The following RSBN1L variants were observed in gnomAD, a reference collection of about 807,000 sequenced individuals.
RSBN1L encodes lysine-specific demethylase RSBN1L.
Under a neutral mutation model 67.7 loss-of-function variants are expected in RSBN1L, and 30 were observed. The observed-to-expected ratio is 0.44, with a 90% CI of 0.33 to 0.60. The LOEUF (loss-of-function observed/expected upper bound fraction) is 0.60, where lower values mean the gene tolerates loss of function less well. Among genes scored for constraint, RSBN1L ranks in the 20% least tolerant of loss-of-function variants. The pLI, the probability that RSBN1L is intolerant of heterozygous loss-of-function variation, is 0.02. For synonymous variants in RSBN1L, 433 were observed against 387.0 expected (o/e 1.12, Z -1.39); for missense variants, 992 against 1,031.7 (o/e 0.96, Z 0.53).
chr7:77,770,981 C>T lies in RSBN1L; in HGVS notation c.1626-2166C>T, dbSNP rs534340851. On this transcript the variant is annotated intron_variant, in intron 5 of 7. Coordinates refer to ENST00000334955, the MANE Select transcript of RSBN1L (RefSeq NM_198467.3). ...TTTTTGAGACTGAGTCTTGCTCTGT[C>T]GCCAGGCTGGAGTGCAGTGGTGCAA... Among the ~76,000 whole-genome samples, 14 of 152,180 alleles carry T rather than the reference C, an allele frequency of 9.2e-5. No homozygotes were observed. The East Asian group carries it at 2.1e-3, about 23-fold the overall frequency.
At chr7:77,707,912 A>G (rs1340257481) in intron 1 of RSBN1L, among the ~76,000 whole-genome samples, 2 of 152,226 alleles carry the variant, frequency 1.3e-5, no homozygotes, top group African/African-American at 4.8e-5. Flanking sequence ...GTGGTTTTAT[A>G]TAATTTTCAC....
chr7:77,703,779 C>T (rs10953304), intron 1 of RSBN1L, among the ~76,000 whole-genome samples: 66,839 of 151,700 alleles, frequency 0.44, 15,362 homozygotes, highest in African/African-American at 0.57. Flanking sequence ...TGAGCCACCG[C>T]GCTCGGCCTA....
chr7:77,781,204 T>C lies in RSBN1L; in HGVS notation c.*2036T>C, dbSNP rs1281167182. The C allele has an allele frequency of 1.3e-5, 2 of 152,244 alleles. No homozygotes were observed. The highest frequency in any genetic ancestry group is 2.9e-5 in the Non-Finnish European group (2 of 68,044). The allele number at this position is 152,244 out of a possible 1,614,324, so 9.4% of individuals were successfully genotyped here. On this transcript the variant is annotated 3_prime_UTR_variant, in exon 8 of 8. Transcript: ENST00000334955. Reference sequence around the variant, plus strand: ...AAATATCATAGGAAATCTTCATGGTTTGTAGGAAATCAGTGTTTGCAACGT... The same window carrying C: ...AAATATCATAGGAAATCTTCATGGTCTGTAGGAAATCAGTGTTTGCAACGT...
rs974088611 is a variant in RSBN1L at position 77,779,570 on chromosome 7, T to C, written c.*402T>C. The stretch of plus-strand genomic sequence containing the variant: ...TTTTTCATTTTAAATGTGTCAGCAC[T>C]GTAGTGTAAATAGCTTTTAAATATC... On this transcript the variant is annotated 3_prime_UTR_variant, in exon 8 of 8. Transcript: ENST00000334955. 2.6e-5 allele frequency: 4 copies of C among 151,362 alleles called. No homozygotes were observed. Among genetic ancestry groups the C allele is most frequent in the East Asian group, 1.9e-4 (1 of 5,196 alleles). The allele number at this position is 151,362 out of a possible 1,614,324, so 9.4% of individuals were successfully genotyped here.
chr7:77,728,523 G>A (rs1791235287), intron 1 of RSBN1L, among the ~76,000 whole-genome samples: 1 of 152,170 alleles, frequency 6.6e-6, no homozygotes, highest in Admixed American at 6.5e-5. Flanking sequence ...GAAGACCCGT[G>A]GAGCTTGCCT....
At chr7:77,776,934 T>C (rs936060587) in intron 6 of RSBN1L, among the ~76,000 whole-genome samples, 3 of 151,970 alleles carry the variant, frequency 2.0e-5, no homozygotes, top group Admixed American at 6.5e-5. Flanking sequence ...GGTTTTAAAT[T>C]TACCATTTTG....
chr7:77,763,261 G>T (rs182567014), intron 3 of RSBN1L, among the ~76,000 whole-genome samples: 1 of 148,988 alleles, frequency 6.7e-6, no homozygotes, highest in Admixed American at 6.8e-5. Flanking sequence ...TTACAGTTTC[G>T]TGTCACCACC....
intron 3 of RSBN1L, among the ~76,000 whole-genome samples, chr7:77,756,750 G>T (rs1289262963): frequency 6.6e-6 from 1 of 152,186 alleles, no homozygotes; most frequent in Non-Finnish European, 1.5e-5. Flanking sequence ...TGTACTTCCA[G>T]CCTGGACGAC....
At chr7:77,732,363 C>CA (rs1426340960) in intron 1 of RSBN1L, among the ~76,000 whole-genome samples, 1 of 151,994 alleles carries the variant, frequency 6.6e-6, no homozygotes, top group Non-Finnish European at 1.5e-5. Context: ...GACTGAGTCT[C>CA]ACTCTGTTGC....
In RSBN1L at chr7:77,706,972, T is replaced by A. The variant is rs529368477; in HGVS notation, c.586+9917T>A. Among the ~76,000 whole-genome samples the A allele has an allele frequency of 2.6e-5, 4 of 152,302 alleles. No individual in the cohort carries two copies. The East Asian group carries it at 7.7e-4, about 29-fold the overall frequency. ...AATCTCTATTCCATAATGTCCTCTC[T>A]TGGCTAATGTAAATTAACTGTATAC... On this transcript the variant is annotated intron_variant, in intron 1 of 7. Coordinates refer to ENST00000334955, the MANE Select transcript of RSBN1L (RefSeq NM_198467.3).
chr7:77,721,231 T>G (rs571737927), intron 1 of RSBN1L, among the ~76,000 whole-genome samples: 2 of 152,056 alleles, frequency 1.3e-5, no homozygotes, highest in Non-Finnish European at 2.9e-5. Context: ...ATTTTGTTTT[T>G]TTTTTTTCTG....
At chr7:77,703,870 A>G (rs1053296327) in intron 1 of RSBN1L, among the ~76,000 whole-genome samples, 2 of 151,938 alleles carry the variant, frequency 1.3e-5, no homozygotes, top group Admixed American at 6.6e-5. Flanking sequence ...GCTCAATGTA[A>G]CCTTGAACTC....
chr7:77,745,151 C>T (rs1476925774), intron 2 of RSBN1L, among the ~76,000 whole-genome samples: 1 of 151,862 alleles, frequency 6.6e-6, no homozygotes, highest in Non-Finnish European at 1.5e-5. Context: ...ATCCCAGCTA[C>T]TTGGGATGCT....
chr7:77,743,603 T>C (rs976400519), intron 2 of RSBN1L, among the ~76,000 whole-genome samples: 4 of 152,176 alleles, frequency 2.6e-5, no homozygotes, highest in Admixed American at 2.6e-4. Context: ...TTCAAACTAA[T>C]GTGTTCTCCT....
chr7:77,746,454 A>C (rs1462235264), intron 2 of RSBN1L, among the ~76,000 whole-genome samples: 1 of 152,164 alleles, frequency 6.6e-6, no homozygotes, highest in Non-Finnish European at 1.5e-5. Flanking sequence ...GTTACCTCCT[A>C]CCAGGCCCCA....
chr7:77,760,407 G>C (rs1250034903), intron 3 of RSBN1L, among the ~76,000 whole-genome samples: 1 of 151,928 alleles, frequency 6.6e-6, no homozygotes, highest in Non-Finnish European at 1.5e-5. Flanking sequence ...ATGGTCATGG[G>C]GTTTTGTGGG....
At chr7:77,777,830 A>G (rs1791937025) in intron 6 of RSBN1L, among the ~76,000 whole-genome samples, 1 of 152,136 alleles carries the variant, frequency 6.6e-6, no homozygotes, top group South Asian at 2.1e-4. Context: ...GAGTAACCTC[A>G]GCAAATACCA....
chr7:77,717,159 G>A (rs531318163), intron 1 of RSBN1L, among the ~76,000 whole-genome samples: 79 of 151,172 alleles, frequency 5.2e-4, no homozygotes, highest in Non-Finnish European at 1.2e-4. Context: ...AGATAGTCTT[G>A]CCATGTTGCC....
At chr7:77,774,481 C>G (rs537774679) in intron 6 of RSBN1L, among the ~76,000 whole-genome samples, 52 of 152,290 alleles carry the variant, frequency 3.4e-4, no homozygotes, top group African/African-American at 1.3e-3. Flanking sequence ...GTAATCCCAG[C>G]ACTTTCGGAG....
Sources: allele counts gnomAD v4.1 joint callset (sites outside exome capture counted in the v4.1 genomes callset), GRCh38; gene constraint gnomAD v4.1.1; transcripts MANE v1.5; gene names NCBI Gene and HGNC (gene_info 2026-07-23, HGNC 2026-07-21).